Variants in TAB2 observed in about 807,000 individuals in gnomAD.
TAB2 encodes the protein TGF-beta-activated kinase 1 and MAP3K7-binding protein 2.
A neutral mutation model predicts 65.0 loss-of-function variants in TAB2; 3 were observed. The observed-to-expected ratio is 0.05, with a 90% confidence interval of 0.02 to 0.12. The LOEUF (loss-of-function observed/expected upper bound fraction) is 0.12, where lower values mean the gene tolerates loss of function less well. Ranked by LOEUF, TAB2 falls within the 10% of genes least tolerant of loss-of-function variation. TAB2 has a pLI of 1.00. For missense variants in TAB2, 623 were observed against 840.3 expected (o/e 0.74, Z 3.20); for synonymous variants, 298 against 285.1 (o/e 1.05, Z -0.46).
At chr6:149,307,022 C>T (rs1269690001) in intron 1 of TAB2, among the ~76,000 whole-genome samples, 1 of 152,128 alleles carries the variant, frequency 6.6e-6, no homozygotes, top group Non-Finnish European at 1.5e-5. Context: ...TATATGAAAT[C>T]ACAGATTCCT....
intron 1 of TAB2, among the ~76,000 whole-genome samples, chr6:149,307,258 C>A (rs1399576862): frequency 2.6e-5 from 4 of 152,092 alleles, no homozygotes; most frequent in Non-Finnish European, 4.4e-5. Flanking sequence ...ACTCTATGTC[C>A]AGATAACAAG....
intron 6 of TAB2, among the ~76,000 whole-genome samples, chr6:149,404,252 G>C (rs948169558): frequency 4.6e-5 from 7 of 152,068 alleles, no homozygotes; most frequent in Non-Finnish European, 8.8e-5. Context: ...TTAGGAATAC[G>C]CTGAAAATTA....
intron 1 of TAB2, among the ~76,000 whole-genome samples, chr6:149,332,827 T>C (rs1779822536): frequency 6.6e-6 from 1 of 152,218 alleles, no homozygotes; most frequent in Non-Finnish European, 1.5e-5. Context: ...AGAGAATTTG[T>C]AGAAAGACAT....
At chr6:149,271,039 T>C (rs1056820933) in intron 1 of TAB2, among the ~76,000 whole-genome samples, 12 of 145,520 alleles carry the variant, frequency 8.2e-5, no homozygotes, top group Non-Finnish European at 3.1e-5. Context: ...TGCACCTTAT[T>C]CTTTTTTTTT....
chr6:149,353,342 C>A (rs936815539), intron 1 of TAB2, among the ~76,000 whole-genome samples: 1 of 152,290 alleles, frequency 6.6e-6, no homozygotes, highest in African/African-American at 2.4e-5. Context: ...ATACAGAATT[C>A]AACAAGCACG....
At chr6:149,279,408 G>C (rs554122685) in intron 1 of TAB2, among the ~76,000 whole-genome samples, 140 of 152,234 alleles carry the variant, frequency 9.2e-4, no homozygotes, top group Non-Finnish European at 1.7e-3. Flanking sequence ...CGCTTACCCT[G>C]GGTAATTTTT....
intron 2 of TAB2, among the ~76,000 whole-genome samples, chr6:149,370,820 C>T (rs1781199628): frequency 6.6e-6 from 1 of 151,976 alleles, no homozygotes; most frequent in South Asian, 2.1e-4. Flanking sequence ...AATCCCAGCA[C>T]TTTGGGAGGT....
At chr6:149,404,538 T>C (rs1782597647) in intron 6 of TAB2, among the ~76,000 whole-genome samples, 1 of 152,120 alleles carries the variant, frequency 6.6e-6, no homozygotes, top group African/African-American at 2.4e-5. Flanking sequence ...TTTAAAAATA[T>C]TACAAAGTTA....
At chr6:149,346,271 T>TGCACACAC (rs1411477085) in intron 1 of TAB2, among the ~76,000 whole-genome samples, 1 of 151,968 alleles carries the variant, frequency 6.6e-6, no homozygotes, top group Non-Finnish European at 1.5e-5. Flanking sequence ...CATGCACGCA[T>TGCACACAC]GCACACACAC....
chr6:149,220,288 CA>C (rs1777114303), intron 1 of TAB2, among the ~76,000 whole-genome samples: 1 of 152,158 alleles, frequency 6.6e-6, no homozygotes, highest in Non-Finnish European at 1.5e-5. Context: ...TAATGCCATT[CA>C]AAAACTCAAA....
intron 1 of TAB2, among the ~76,000 whole-genome samples, chr6:149,264,513 A>G (rs951932239): frequency 2.4e-4 from 37 of 152,240 alleles, no homozygotes; most frequent in Middle Eastern, 3.4e-3. Context: ...CACCTGTAAA[A>G]TGTTGCTTCA....
chr6:149,356,877 A>G (rs573884776), intron 1 of TAB2, among the ~76,000 whole-genome samples: 43 of 152,276 alleles, frequency 2.8e-4, no homozygotes, highest in Non-Finnish European at 5.9e-4. Flanking sequence ...AAAATCTCTT[A>G]TATGATTAAT....
chr6:149,254,094 GAA>G (rs1491223072), intron 1 of TAB2, among the ~76,000 whole-genome samples: 1 of 108,418 alleles, frequency 9.2e-6, no homozygotes, highest in East Asian at 3.5e-4. Context: ...AGGAAGGAAG[GAA>G]GGAAGGAAGG....
chr6:149,305,376 C>T (rs1212417746), intron 1 of TAB2, among the ~76,000 whole-genome samples: 5 of 152,112 alleles, frequency 3.3e-5, no homozygotes, highest in African/African-American at 9.7e-5. Context: ...AGCTTAAAAT[C>T]GAAATCCTGC....
At chr6:149,313,411 C>T (rs562109425), upstream of TAB2, among the ~76,000 whole-genome samples, 37 of 152,278 alleles carry the variant, frequency 2.4e-4, no homozygotes, top group African/African-American at 8.2e-4. Context: ...GCTTGCTGAC[C>T]GTGCCTTCCC....
chr6:149,284,169 G>A (rs1444243990), intron 1 of TAB2, among the ~76,000 whole-genome samples: 2 of 152,112 alleles, frequency 1.3e-5, no homozygotes, highest in Non-Finnish European at 2.9e-5. Flanking sequence ...CTCCAGTGAA[G>A]TTTCTCACCA....
At chr6:149,309,304 C>T (rs994622554) in intron 1 of TAB2, among the ~76,000 whole-genome samples, 1 of 136,378 alleles carries the variant, frequency 7.3e-6, no homozygotes, top group Non-Finnish European at 1.6e-5. Flanking sequence ...CTTTTGCAAA[C>T]CCTTTACATA....
At chr6:149,386,135 CAT>C (rs1458215842) in intron 3 of TAB2, among the ~76,000 whole-genome samples, 4 of 152,182 alleles carry the variant, frequency 2.6e-5, no homozygotes, top group Non-Finnish European at 2.9e-5. Flanking sequence ...ACACTATACA[CAT>C]GGGTCTGTGA....
chr6:149,408,586 G>A (rs1038144918), intron 6 of TAB2, among the ~76,000 whole-genome samples: 1 of 152,094 alleles, frequency 6.6e-6, no homozygotes, highest in Admixed American at 6.5e-5. Flanking sequence ...TTTTAACATA[G>A]GTTTGATTCT....
Sources: gnomAD v4.1 joint callset for allele counts (sites outside exome capture counted in the v4.1 genomes callset) on GRCh38, gnomAD v4.1.1 for gene constraint, MANE v1.5 for transcripts, NCBI Gene and HGNC (gene_info 2026-07-23, HGNC 2026-07-21) for gene names.